Variants in IFIH1 observed in about 807,000 individuals in gnomAD.
The protein encoded by IFIH1 is interferon-induced helicase C domain-containing protein 1.
IFIH1 carries 125 observed loss-of-function variants against 107.4 expected under a neutral mutation model. The ratio of observed to expected loss-of-function variants is 1.16; its 90% confidence interval spans 1.01 to 1.35. The LOEUF (loss-of-function observed/expected upper bound fraction) is 1.35. Ranked by LOEUF, IFIH1 falls within the 40% of genes most tolerant of loss-of-function variation. IFIH1 has a pLI of 0.00. For missense variants in IFIH1, 1,333 were observed against 1,213.7 expected (o/e 1.10, Z -1.46); for synonymous variants, 458 against 413.2 (o/e 1.11, Z -1.31).
chr2:162,310,985 C>G, intron 1 of IFIH1, 52 bp from the exon 2 acceptor site: 1 of 1,416,714 alleles, frequency 7.1e-7, no homozygotes, highest in Non-Finnish European at 9.8e-7. Context: ...TTCTGAATAA[C>G]CTTAAACAGG....
chr2:162,269,521 AT>A (rs1690992804), intron 13 of IFIH1, among the ~76,000 whole-genome samples: 1 of 152,210 alleles, frequency 6.6e-6, no homozygotes, highest in Non-Finnish European at 1.5e-5. Flanking sequence ...TATAATGGAA[AT>A]AATCTAGTTT....
intron 5 of IFIH1, among the ~76,000 whole-genome samples, chr2:162,287,481 T>C (rs1682917344): frequency 6.6e-6 from 1 of 151,882 alleles, no homozygotes; most frequent in African/African-American, 2.4e-5. Context: ...TATTTACTTA[T>C]GAAGATGGCC....
At chr2:162,311,396 T>C (rs1428755179) in intron 1 of IFIH1, among the ~76,000 whole-genome samples, 1 of 152,156 alleles carries the variant, frequency 6.6e-6, no homozygotes, top group East Asian at 1.9e-4. Context: ...TTATCTCCTT[T>C]CTTCATGATT....
chr2:162,294,098 C>T lies in IFIH1; in HGVS notation c.770-430G>A, dbSNP rs527965444. ...ATAAAGTACAAAAATTAATAAAGTA[C>T]CTGGATCTACTGATCAGTTATGAAA... On this transcript the variant is annotated intron_variant, in intron 3 of 15. Coordinates refer to ENST00000649979, the MANE Select transcript of IFIH1 (RefSeq NM_022168.4). Among the ~76,000 whole-genome samples, 6 of 151,770 alleles carry T rather than the reference C, an allele frequency of 4.0e-5. No homozygotes were observed. The East Asian group carries it at 7.7e-4, about 20-fold the overall frequency.
intron 1 of IFIH1, among the ~76,000 whole-genome samples, chr2:162,314,106 C>T (rs939244769): frequency 1.3e-5 from 2 of 152,142 alleles, no homozygotes; most frequent in Non-Finnish European, 2.9e-5. Context: ...TGATCACTTT[C>T]GTTCCCAGAG....
intron 12 of IFIH1, 37 bp from the exon 13 acceptor site, chr2:162,272,424 C>G (rs200192384): frequency 1.9e-6 from 3 of 1,572,188 alleles, no homozygotes; most frequent in Non-Finnish European, 2.6e-6. Flanking sequence ...TGAAAGGGTA[C>G]GTTGTGATAC....
chr2:162,288,384 G>A (rs74162078), intron 4 of IFIH1, 29 bp from the exon 5 acceptor site: 2 of 1,544,460 alleles, frequency 1.3e-6, no homozygotes, highest in Non-Finnish European at 1.8e-6. Context: ...AAAAATAAGA[G>A]AAGGGACAAC....
chr2:162,295,302 T>C (rs12471127), intron 3 of IFIH1, among the ~76,000 whole-genome samples: 4 of 152,008 alleles, frequency 2.6e-5, no homozygotes, highest in African/African-American at 7.2e-5. Context: ...TCATGCAATA[T>C]GTAGCCTTTA....
chr2:162,298,768 ACACACACACGCACGCGCGCGCG>A (rs1576233827), intron 3 of IFIH1, among the ~76,000 whole-genome samples: 1 of 151,498 alleles, frequency 6.6e-6, no homozygotes, highest in South Asian at 2.1e-4. Flanking sequence ...ATATGGATCT[ACACACACACGCACGCGCGCGCG>A]CACACACACA....
intron 8 of IFIH1, 142 bp from the exon 9 acceptor site, chr2:162,278,470 G>A (rs765210488): frequency 2.5e-5 from 13 of 523,268 alleles, no homozygotes; most frequent in Admixed American, 4.0e-5. Context: ...CCCATCACTT[G>A]TCTGTACATT....
chr2:162,314,966 T>G (rs1028838746), intron 1 of IFIH1, among the ~76,000 whole-genome samples: 1 of 152,162 alleles, frequency 6.6e-6, no homozygotes, highest in Admixed American at 6.5e-5. Flanking sequence ...AGTTTTTGGG[T>G]ACTTGCTGGA....
At chr2:162,298,714 C>CT (rs1286003679) in intron 3 of IFIH1, among the ~76,000 whole-genome samples, 2 of 152,032 alleles carry the variant, frequency 1.3e-5, no homozygotes, top group Non-Finnish European at 2.9e-5. Context: ...ATAACTTAAT[C>CT]TTTTTTGAGA....
intron 3 of IFIH1, among the ~76,000 whole-genome samples, chr2:162,305,742 C>T (rs2105225903): frequency 6.6e-6 from 1 of 152,186 alleles, no homozygotes; most frequent in African/African-American, 2.4e-5. Context: ...TATAAACTTA[C>T]CATAAAAGAA....
At chr2:162,275,592 T>C (rs919784442) in intron 11 of IFIH1, among the ~76,000 whole-genome samples, 5 of 152,198 alleles carry the variant, frequency 3.3e-5, no homozygotes, top group East Asian at 1.9e-4. Flanking sequence ...TAAAGAGTTA[T>C]AGTGAACCAT....
At chr2:162,309,503 T>C (rs1683353574) in intron 2 of IFIH1, among the ~76,000 whole-genome samples, 1 of 152,200 alleles carries the variant, frequency 6.6e-6, no homozygotes, top group South Asian at 2.1e-4. Flanking sequence ...TCTGGTTCTG[T>C]AGAATCCAGA....
At chr2:162,286,831 A>C (rs1682902505) in intron 5 of IFIH1, among the ~76,000 whole-genome samples, 1 of 151,974 alleles carries the variant, frequency 6.6e-6, no homozygotes, top group Admixed American at 6.6e-5. Context: ...GCTAGTATTT[A>C]AGAGTAAAAG....
chr2:162,313,834 G>T (rs937669411), intron 1 of IFIH1, among the ~76,000 whole-genome samples: 5 of 151,362 alleles, frequency 3.3e-5, no homozygotes, highest in Non-Finnish European at 7.4e-5. Flanking sequence ...TTTTTTTGCA[G>T]ATGAAATTCT....
At position 162,277,532 on chromosome 2, in the gene IFIH1, C is replaced by A. The variant is rs376940981; in HGVS notation, c.1927G>T (p.Asp643Tyr). 1.7e-5 allele frequency: 27 copies of A among 1,590,586 alleles called. No homozygotes were observed. The highest frequency in any genetic ancestry group is 2.3e-5 in the Non-Finnish European group (27 of 1,159,010). ...EKDKKFAVIE[D>Y]DSDEGGDDEY... ...TCATCACCACCCTCATCACTATCAT[C>A]TTCTATGACTGCAAACTTCTTATCT... is the stretch of plus-strand genomic sequence containing the variant. The change falls in exon 10 of 16, where the codon GAT becomes TAT. Residue 643 changes from aspartate to tyrosine, a missense_variant. By Grantham distance (160) the Asp-to-Tyr change is radical. Coordinates refer to ENST00000649979, the MANE Select transcript of IFIH1 (RefSeq NM_022168.4).
intron 5 of IFIH1, among the ~76,000 whole-genome samples, chr2:162,285,734 C>T (rs1353385288): frequency 6.6e-6 from 1 of 151,738 alleles, no homozygotes; most frequent in Non-Finnish European, 1.5e-5. Flanking sequence ...ATGAAAGATT[C>T]CTGGCTAGAA....
Sources: allele counts gnomAD v4.1 joint callset (sites outside exome capture counted in the v4.1 genomes callset), GRCh38; gene constraint gnomAD v4.1.1; transcripts MANE v1.5; gene names NCBI Gene and HGNC (gene_info 2026-07-23, HGNC 2026-07-21).